BMPR1B: variants seen among roughly 807,000 people sequenced by gnomAD.
BMPR1B encodes bone morphogenetic protein receptor type-1B.
In BMPR1B, 12 loss-of-function variants were observed where a neutral mutation model predicts 59.1. That is an observed-to-expected ratio of 0.20 (90% CI 0.13 to 0.33). BMPR1B has a LOEUF of 0.33. BMPR1B is among the 10% of genes least tolerant of loss of function. The pLI is 1.00. For missense variants in BMPR1B, 550 were observed against 610.9 expected, an observed-to-expected ratio of 0.90 and a Z score of 1.05; for synonymous variants, 237 against 207.3, an observed-to-expected ratio of 1.14 and a Z score of -1.23.
At chr4:94,951,851 C>T (rs964325365) in intron 2 of BMPR1B, among the ~76,000 whole-genome samples, 1 of 152,090 alleles carries the variant, frequency 6.6e-6, no homozygotes, top group Non-Finnish European at 1.5e-5. Context: ...CTTCTTTTTA[C>T]CTCTGGAAGA....
intron 1 of BMPR1B, among the ~76,000 whole-genome samples, chr4:94,761,415 C>CTGTGTGTGTGTG (rs57447983): frequency 6.4e-5 from 9 of 141,208 alleles, no homozygotes; most frequent in South Asian, 2.5e-4. Flanking sequence ...CTGTATAATT[C>CTGTGTGTGTGTG]TGTGTGTGTG....
chr4:95,021,713 A>G (rs1003570077), intron 3 of BMPR1B, among the ~76,000 whole-genome samples: 15 of 152,226 alleles, frequency 9.9e-5, no homozygotes, highest in African/African-American at 3.6e-4. Context: ...ATATATTTAT[A>G]AGTCATATGT....
At chr4:95,087,093 A>G (rs1329587331) in intron 3 of BMPR1B, among the ~76,000 whole-genome samples, 5 of 142,244 alleles carry the variant, frequency 3.5e-5, no homozygotes, top group Admixed American at 2.2e-4. Flanking sequence ...CAGCGGCACA[A>G]TTTCCACTCA....
At chr4:95,093,908 A>G (rs1460671773) in intron 3 of BMPR1B, among the ~76,000 whole-genome samples, 2 of 152,034 alleles carry the variant, frequency 1.3e-5, no homozygotes, top group African/African-American at 4.8e-5. Context: ...AAAACTGGCA[A>G]TATCCCTGGT....
At chr4:94,843,747 A>G (rs960244476) in intron 1 of BMPR1B, among the ~76,000 whole-genome samples, 1 of 152,146 alleles carries the variant, frequency 6.6e-6, no homozygotes, top group Non-Finnish European at 1.5e-5. Context: ...TTTTATTTTG[A>G]TAAGCAATAA....
intron 2 of BMPR1B, among the ~76,000 whole-genome samples, chr4:94,947,202 G>A (rs146400430): frequency 1.3e-5 from 2 of 152,314 alleles, no homozygotes; most frequent in East Asian, 3.9e-4. Context: ...TCAAAAATGA[G>A]AGAATTGATG....
At chr4:95,011,895 T>G (rs2149124861) in intron 3 of BMPR1B, among the ~76,000 whole-genome samples, 1 of 152,200 alleles carries the variant, frequency 6.6e-6, no homozygotes, top group South Asian at 2.1e-4. Context: ...GGCACACACC[T>G]GTCTTCTGAA....
chr4:94,916,485 GGAACTGTGGAAGTTT>G (rs1473353709), intron 2 of BMPR1B, among the ~76,000 whole-genome samples: 1 of 152,132 alleles, frequency 6.6e-6, no homozygotes, highest in Non-Finnish European at 1.5e-5. Flanking sequence ...CATGCCCTAG[GGAACTGTGGAAGTTT>G]GAACTTAGGA....
At chr4:94,960,606 G>A (rs1427597725) in intron 2 of BMPR1B, among the ~76,000 whole-genome samples, 1 of 152,130 alleles carries the variant, frequency 6.6e-6, no homozygotes, top group South Asian at 2.1e-4. Context: ...CATGGAAAAT[G>A]TTTATAGTGT....
At chr4:94,994,854 G>A (rs979325016) in intron 2 of BMPR1B, among the ~76,000 whole-genome samples, 1 of 152,118 alleles carries the variant, frequency 6.6e-6, no homozygotes, top group African/African-American at 2.4e-5. Flanking sequence ...TCTAACAGAA[G>A]GAACACATTA....
intron 5 of BMPR1B, among the ~76,000 whole-genome samples, chr4:95,115,185 A>G (rs540388803): frequency 2.0e-5 from 3 of 152,278 alleles, no homozygotes; most frequent in African/African-American, 7.2e-5. Flanking sequence ...GGTTTGTGCA[A>G]GTGTACTCTG....
chr4:94,807,570 C>T (rs1723651121), intron 1 of BMPR1B, among the ~76,000 whole-genome samples: 1 of 152,046 alleles, frequency 6.6e-6, no homozygotes, highest in African/African-American at 2.4e-5. Flanking sequence ...TCAGCCACAC[C>T]CGAAACATTG....
intron 10 of BMPR1B, among the ~76,000 whole-genome samples, chr4:95,138,855 T>C (rs1434373616): frequency 6.6e-6 from 1 of 152,228 alleles, no homozygotes; most frequent in Non-Finnish European, 1.5e-5. Context: ...AGTTTGGCCA[T>C]CCTCCTTTAG....
At chr4:95,129,321 G>C (rs1398008161) in intron 8 of BMPR1B, among the ~76,000 whole-genome samples, 2 of 152,064 alleles carry the variant, frequency 1.3e-5, no homozygotes, top group East Asian at 3.9e-4. Flanking sequence ...ATTGTTCTTT[G>C]CCCAGACGGC....
rs558656226 is a variant in BMPR1B at position 95,080,963 on chromosome 4, A to G, written c.-17-23445A>G. ...ATGGTTTGGCTATGTCTCCACCCAA[A>G]TCTCATCTTGAAATGTACTTCCCAT... is the stretch of plus-strand genomic sequence containing the variant. On this transcript the variant is annotated intron_variant, in intron 3 of 12. Transcript: ENST00000515059. Among the ~76,000 whole-genome samples the G allele has an allele frequency of 2.3e-3, 356 of 152,290 alleles. 1 individual carries two copies. The highest frequency in any genetic ancestry group is 8.1e-3 in the African/African-American group (338 of 41,556).
chr4:95,021,888 GAGC>G (rs1724014764), intron 3 of BMPR1B, among the ~76,000 whole-genome samples: 1 of 152,206 alleles, frequency 6.6e-6, no homozygotes, highest in South Asian at 2.1e-4. Context: ...TCTATCTAAA[GAGC>G]TTAGCTCAAA....
intron 2 of BMPR1B, among the ~76,000 whole-genome samples, chr4:94,957,378 G>A (rs532268291): frequency 1.3e-4 from 18 of 139,926 alleles, no homozygotes; most frequent in Non-Finnish European, 2.4e-4. Flanking sequence ...CAACATGTGT[G>A]TGGGAGAATG....
intron 1 of BMPR1B, among the ~76,000 whole-genome samples, chr4:94,848,601 C>T (rs1725436560): frequency 7.2e-6 from 1 of 138,558 alleles, no homozygotes; most frequent in Non-Finnish European, 1.5e-5. Flanking sequence ...GTCTTAAGGA[C>T]TTTAGTTTTT....
At chr4:95,117,937 T>C (rs1732193167) in intron 6 of BMPR1B, among the ~76,000 whole-genome samples, 1 of 152,008 alleles carries the variant, frequency 6.6e-6, no homozygotes, top group Non-Finnish European at 1.5e-5. Context: ...GTAAAAAGGC[T>C]TAGAAAAGGA....
Sources: gnomAD v4.1 joint callset for allele counts (sites outside exome capture counted in the v4.1 genomes callset) on GRCh38, gnomAD v4.1.1 for gene constraint, MANE v1.5 for transcripts, NCBI Gene and HGNC (gene_info 2026-07-23, HGNC 2026-07-21) for gene names.